Variants in CPQ observed in about 807,000 individuals in gnomAD.
CPQ encodes carboxypeptidase Q, also known as Ser-Met dipeptidase.
In CPQ, 37 loss-of-function variants were observed where a neutral mutation model predicts 45.7. The ratio of observed to expected loss-of-function variants is 0.81; its 90% CI spans 0.62 to 1.07. CPQ has a LOEUF of 1.07. Ranked by LOEUF, CPQ falls within the 50% of genes least tolerant of loss-of-function variation. CPQ has a pLI of 0.00. For synonymous variants in CPQ, 186 were observed against 205.8 expected (o/e 0.90, Z 0.82); for missense variants, 537 against 572.9 (o/e 0.94, Z 0.64).
chr8:97,012,330 G>A (rs987376318), intron 5 of CPQ, among the ~76,000 whole-genome samples: 11 of 152,152 alleles, frequency 7.2e-5, no homozygotes, highest in Non-Finnish European at 1.2e-4. Context: ...ATGCATGCTT[G>A]TGCATCCAAG....
intron 3 of CPQ, among the ~76,000 whole-genome samples, chr8:96,858,292 T>A (rs1811878220): frequency 6.6e-6 from 1 of 152,190 alleles, no homozygotes; most frequent in African/African-American, 2.4e-5. Context: ...GTGTTTCTTT[T>A]GGATTATTCA....
intron 2 of CPQ, among the ~76,000 whole-genome samples, chr8:96,791,376 G>GC (rs893253977): frequency 2.0e-5 from 3 of 152,022 alleles, no homozygotes; most frequent in Middle Eastern, 3.2e-3. Context: ...GTTTTTGTGT[G>GC]TTTTTTTAAA....
At chr8:96,847,482 A>C (rs549121139) in intron 3 of CPQ, among the ~76,000 whole-genome samples, 1 of 152,248 alleles carries the variant, frequency 6.6e-6, no homozygotes, top group Non-Finnish European at 1.5e-5. Context: ...TTGATAAAGC[A>C]TCAAAAATTT....
At chr8:96,885,457 T>C (rs967219565) in intron 4 of CPQ, among the ~76,000 whole-genome samples, 2 of 152,178 alleles carry the variant, frequency 1.3e-5, no homozygotes, top group South Asian at 4.1e-4. Flanking sequence ...GGCTAATAGA[T>C]ATTGTTCAGT....
At chr8:96,837,851 TTTCTAA>T (rs1328162193) in intron 3 of CPQ, among the ~76,000 whole-genome samples, 17 of 152,200 alleles carry the variant, frequency 1.1e-4, no homozygotes, top group African/African-American at 3.4e-4. Flanking sequence ...GTGTCCATCA[TTTCTAA>T]CAGACACTGA....
chr8:96,788,092 T>A (rs1350539052), intron 2 of CPQ, among the ~76,000 whole-genome samples: 2 of 151,642 alleles, frequency 1.3e-5, no homozygotes, highest in African/African-American at 4.8e-5. Flanking sequence ...CTTTTTTTTT[T>A]ATTTTCAGCA....
At chr8:96,697,888 T>C (rs1809406475) in intron 1 of CPQ, among the ~76,000 whole-genome samples, 1 of 152,162 alleles carries the variant, frequency 6.6e-6, no homozygotes, top group Non-Finnish European at 1.5e-5. Flanking sequence ...TCCATGTCCA[T>C]GGATTGGAAG....
intron 1 of CPQ, among the ~76,000 whole-genome samples, chr8:96,709,487 C>A (rs967852039): frequency 6.6e-6 from 1 of 152,090 alleles, no homozygotes; most frequent in African/African-American, 2.4e-5. Context: ...TTTTCTTTAT[C>A]CGCTTATCTG....
intron 1 of CPQ, among the ~76,000 whole-genome samples, chr8:96,701,634 G>T (rs1250043549): frequency 2.0e-5 from 3 of 152,176 alleles, no homozygotes; most frequent in Non-Finnish European, 4.4e-5. Flanking sequence ...AGAGATCTGA[G>T]GTAGGACTTC....
In CPQ at chr8:96,785,392, G is replaced by C. The variant is rs2130809375; in HGVS notation, c.433+62G>C. 2.3e-6 allele frequency: 3 copies of C among 1,285,028 alleles called. No homozygotes were observed. In the East Asian group the frequency reaches 7.0e-5, roughly 30 times the overall value. The allele number at this position is 1,285,028 out of a possible 1,614,324, so 79.6% of individuals were successfully genotyped here. A position where few individuals can be genotyped will look rare whatever the true frequency, so the allele number is the denominator to read the frequency against. ...AAAACTAATGTCCCTTGGTGTAATT[G>C]AGTACAATATGCATGATTCATATTA... On this transcript the variant is annotated intron_variant, in intron 2 of 7. Transcript: ENST00000220763.
intron 1 of CPQ, among the ~76,000 whole-genome samples, chr8:96,763,746 C>T (rs773068807): frequency 5.3e-5 from 8 of 151,768 alleles, no homozygotes; most frequent in Admixed American, 5.3e-4. Context: ...GATACTTCAC[C>T]AAAAAAGATA....
chr8:96,854,918 T>G (rs1158411580), intron 3 of CPQ, among the ~76,000 whole-genome samples: 2 of 152,202 alleles, frequency 1.3e-5, no homozygotes, highest in African/African-American at 4.8e-5. Context: ...TGACTGATTT[T>G]GCTGGCTCTC....
At chr8:96,748,964 T>G (rs766856978) in intron 1 of CPQ, among the ~76,000 whole-genome samples, 6 of 152,158 alleles carry the variant, frequency 3.9e-5, no homozygotes, top group Non-Finnish European at 5.9e-5. Context: ...TGCAAAGCCT[T>G]TTCTGACCCT....
intron 7 of CPQ, among the ~76,000 whole-genome samples, chr8:97,089,735 A>T (rs1240810235): frequency 2.0e-5 from 3 of 152,050 alleles, no homozygotes; most frequent in Non-Finnish European, 4.4e-5. Context: ...TCAACCTAGG[A>T]TGGGGTAGGG....
intron 7 of CPQ, among the ~76,000 whole-genome samples, chr8:97,099,115 C>CTTT (rs34830752): frequency 0.096 from 6,364 of 66,182 alleles, 1,777 homozygotes; most frequent in East Asian, 0.2. Flanking sequence ...CCTTCTCTCT[C>CTTT]TTTTTTTTTT....
intron 4 of CPQ, among the ~76,000 whole-genome samples, chr8:96,921,678 T>G (rs1812809873): frequency 6.6e-6 from 1 of 152,188 alleles, no homozygotes; most frequent in African/African-American, 2.4e-5. Context: ...TATTGCAGCT[T>G]CTTTGCTGTA....
At chr8:96,986,113 G>A (rs952595717) in intron 5 of CPQ, among the ~76,000 whole-genome samples, 3 of 152,140 alleles carry the variant, frequency 2.0e-5, no homozygotes, top group Admixed American at 6.5e-5. Context: ...TGCATCTACA[G>A]CCACTGCTCA....
chr8:97,130,566 A>C (rs1008879784), intron 7 of CPQ, among the ~76,000 whole-genome samples: 1 of 152,110 alleles, frequency 6.6e-6, no homozygotes, highest in African/African-American at 2.4e-5. Context: ...ATTGTCCTAA[A>C]AAATTATATT....
At chr8:96,807,241 T>A (rs1419624446) in intron 2 of CPQ, among the ~76,000 whole-genome samples, 2 of 152,066 alleles carry the variant, frequency 1.3e-5, no homozygotes, top group African/African-American at 2.4e-5. Flanking sequence ...TTAATTTTTA[T>A]TTTTTATTTT....
Sources: gnomAD v4.1 joint callset for allele counts (sites outside exome capture counted in the v4.1 genomes callset) on GRCh38, gnomAD v4.1.1 for gene constraint, MANE v1.5 for transcripts, NCBI Gene and HGNC (gene_info 2026-07-23, HGNC 2026-07-21) for gene names.